EXOC4: variants seen among roughly 807,000 people sequenced by gnomAD.
EXOC4 encodes exocyst complex component 4.
A neutral mutation model predicts 107.2 loss-of-function variants in EXOC4; 71 were observed. The observed-to-expected ratio is 0.66, with a 90% CI of 0.55 to 0.81. The LOEUF is 0.81. EXOC4 is among the 30% of genes least tolerant of loss of function. The pLI is 0.00. For missense variants in EXOC4, 1,108 were observed against 1,189.6 expected (o/e 0.93, Z 1.01); for synonymous variants, 456 against 441.2 (o/e 1.03, Z -0.42).
At chr7:133,892,862 G>T (rs1359506080) in intron 11 of EXOC4, among the ~76,000 whole-genome samples, 3 of 143,910 alleles carry the variant, frequency 2.1e-5, no homozygotes, top group Non-Finnish European at 4.5e-5. Context: ...GGTCAATTTT[G>T]GAATAGGTGT....
intron 12 of EXOC4, among the ~76,000 whole-genome samples, chr7:133,916,177 T>C (rs1368971145): frequency 6.6e-6 from 1 of 152,258 alleles, no homozygotes; most frequent in East Asian, 1.9e-4. Flanking sequence ...GCATGTGATC[T>C]AGATCCCTCG....
At chr7:133,734,948 C>T (rs533670033) in intron 10 of EXOC4, among the ~76,000 whole-genome samples, 3 of 150,290 alleles carry the variant, frequency 2.0e-5, no homozygotes, top group South Asian at 2.1e-4. Flanking sequence ...CGGTGGCTCA[C>T]GCCTGTAATC....
chr7:133,299,310 A>G (rs1370238677), intron 3 of EXOC4, among the ~76,000 whole-genome samples: 1 of 152,162 alleles, frequency 6.6e-6, no homozygotes, highest in Non-Finnish European at 1.5e-5. Context: ...CTCTTTCAAT[A>G]GAAAGTTCTT....
downstream of EXOC4, chr7:134,065,885 GA>G (rs1454556399): frequency 6.6e-6 from 1 of 152,234 alleles, no homozygotes; most frequent in Non-Finnish European, 1.5e-5. Context: ...TATTATCTAA[GA>G]GTGTGGGAAC....
intron 11 of EXOC4, among the ~76,000 whole-genome samples, chr7:133,819,277 CT>C (rs59308684): frequency 8.4e-5 from 12 of 142,736 alleles, no homozygotes; most frequent in African/African-American, 2.1e-4. Flanking sequence ...AAATGGAATA[CT>C]TTTTTTTTTT....
chr7:134,081,927 CA>C, the EXOC4 span, among the ~76,000 whole-genome samples: 3 of 152,226 alleles, frequency 2.0e-5, no homozygotes, highest in South Asian at 2.1e-4. Flanking sequence ...CTTATACATT[CA>C]AAAAATATTT....
At chr7:133,390,099 G>A (rs1052488883) in intron 7 of EXOC4, among the ~76,000 whole-genome samples, 1 of 152,144 alleles carries the variant, frequency 6.6e-6, no homozygotes, top group Non-Finnish European at 1.5e-5. Context: ...CAGGCAGCTA[G>A]ATTGATCATG....
chr7:133,632,849 C>G (rs913405436), intron 10 of EXOC4, among the ~76,000 whole-genome samples: 1 of 151,482 alleles, frequency 6.6e-6, no homozygotes, highest in Non-Finnish European at 1.5e-5. Flanking sequence ...ATGGTCATTG[C>G]TTTTATTCTA....
At chr7:133,546,633 T>C (rs1800487793) in intron 9 of EXOC4, among the ~76,000 whole-genome samples, 1 of 152,298 alleles carries the variant, frequency 6.6e-6, no homozygotes, top group East Asian at 1.9e-4. Context: ...ATAAATTGTT[T>C]CCTTCCTTTT....
At chr7:133,836,099 AAATAT>A in intron 11 of EXOC4, among the ~76,000 whole-genome samples, 1 of 152,324 alleles carries the variant, frequency 6.6e-6, no homozygotes, top group Middle Eastern at 3.4e-3. Context: ...TACATGATGG[AAATAT>A]AATATAGCAG....
chr7:133,433,276 G>T (rs939190337), intron 7 of EXOC4, among the ~76,000 whole-genome samples: 2 of 152,144 alleles, frequency 1.3e-5, no homozygotes, highest in African/African-American at 4.8e-5. Context: ...CCCAACCTAT[G>T]AGAGCAGTCT....
intron 3 of EXOC4, among the ~76,000 whole-genome samples, chr7:133,295,605 A>G (rs1005333629): frequency 7.2e-5 from 11 of 152,140 alleles, no homozygotes; most frequent in African/African-American, 2.2e-4. Context: ...AGTTGGTGTT[A>G]AGCTGTTGTT....
At chr7:134,093,291 A>G in the EXOC4 span, among the ~76,000 whole-genome samples, 1 of 152,220 alleles carries the variant, frequency 6.6e-6, no homozygotes, top group South Asian at 2.1e-4. Context: ...CAGATAAAAC[A>G]GAGTTAAAAC....
At chr7:134,021,343 T>C (rs1258429702) in intron 17 of EXOC4, among the ~76,000 whole-genome samples, 1 of 152,208 alleles carries the variant, frequency 6.6e-6, no homozygotes, top group African/African-American at 2.4e-5. Flanking sequence ...CTTAAAGCAT[T>C]TGCTCACCAC....
chr7:133,777,279 AAGAGAGAG>A (rs151199039), intron 10 of EXOC4, among the ~76,000 whole-genome samples: 2 of 1,786 alleles, frequency 1.1e-3, no homozygotes, highest in African/African-American at 1.5e-3. Context: ...GAGAGAGAGA[AAGAGAGAG>A]AGAGAGAGAG....
chr7:133,456,506 T>A (rs1798466892), intron 7 of EXOC4, among the ~76,000 whole-genome samples: 1 of 152,172 alleles, frequency 6.6e-6, no homozygotes, highest in Non-Finnish European at 1.5e-5. Flanking sequence ...CCCCTGGTAT[T>A]TTGGTAAATA....
chr7:133,496,702 G>C (rs1175900624), intron 9 of EXOC4, among the ~76,000 whole-genome samples: 1 of 152,034 alleles, frequency 6.6e-6, no homozygotes, highest in Non-Finnish European at 1.5e-5. Flanking sequence ...GTTTCTTACT[G>C]ATATTCCCAC....
chr7:133,954,042 T>G (rs1465891713), intron 14 of EXOC4, among the ~76,000 whole-genome samples: 1 of 152,216 alleles, frequency 6.6e-6, no homozygotes, highest in Non-Finnish European at 1.5e-5. Context: ...TTTCAACATT[T>G]TGTAATATGT....
At chr7:133,373,158 G>T (rs545312361) in intron 6 of EXOC4, among the ~76,000 whole-genome samples, 8 of 152,122 alleles carry the variant, frequency 5.3e-5, no homozygotes, top group African/African-American at 7.2e-5. Flanking sequence ...GTTTTATACC[G>T]ATTATTTCCC....
Sources: gnomAD v4.1 joint callset for allele counts (sites outside exome capture counted in the v4.1 genomes callset) on GRCh38, gnomAD v4.1.1 for gene constraint, MANE v1.5 for transcripts, NCBI Gene and HGNC (gene_info 2026-07-23, HGNC 2026-07-21) for gene names.